Variants in TTC6 observed in about 807,000 individuals in gnomAD.
TTC6 encodes tetratricopeptide repeat domain 6.
A neutral mutation model predicts 210.4 loss-of-function variants in TTC6; 172 were observed. The observed-to-expected ratio is 0.82, with a 90% CI of 0.72 to 0.93. The LOEUF is 0.93. Ranked by LOEUF, TTC6 falls within the 40% of genes least tolerant of loss-of-function variation. The pLI is 0.00. For synonymous variants in TTC6, 804 were observed against 819.6 expected (o/e 0.98, Z 0.32); for missense variants, 2,414 against 2,318.1 (o/e 1.04, Z -0.85).
rs138010035 is a variant in TTC6, at chr14:37,787,663, A to G, written c.3436+26A>G. On this transcript the variant is annotated intron_variant, in intron 15 of 30. Transcript: ENST00000553443. ...GTACTTTGCCTTCAATTACATGTAT[A>G]TAGCAACCCAATCTGAGATTCAACA... 1.6e-4 allele frequency: 218 copies of G among 1,404,730 alleles called. 1 individual carries two copies. In the African/African-American group the frequency reaches 2.7e-3, roughly 18 times the overall value. The allele number at this position is 1,404,730 out of a possible 1,614,324, so 87.0% of individuals were successfully genotyped here.
chr14:37,737,550 T>C, intron 8 of TTC6, 110 bp from the exon 11 acceptor site: 1 of 524,602 alleles, frequency 1.9e-6, no homozygotes, highest in Admixed American at 3.9e-5. Flanking sequence ...TAATCAGTAT[T>C]TCTGAATTTC....
chr14:37,795,125 C>T (rs926366958), intron 17 of TTC6, 145 bp from the exon 20 acceptor site: 2 of 462,074 alleles, frequency 4.3e-6, no homozygotes, highest in Non-Finnish European at 7.6e-6. Context: ...CTCTGTATCC[C>T]ATTTGCTTTG....
chr14:37,679,807 C>T (rs2138539290), intron 1 of TTC6, among the ~76,000 whole-genome samples: 1 of 152,164 alleles, frequency 6.6e-6, no homozygotes, highest in African/African-American at 2.4e-5. Context: ...TCTCCTGCCT[C>T]AGCCTCCCAA....
intron 10 of TTC6, among the ~76,000 whole-genome samples, chr14:37,744,431 G>T (rs984656330): frequency 3.3e-5 from 5 of 152,216 alleles, no homozygotes; most frequent in South Asian, 2.1e-4. Context: ...ATATTTGAGC[G>T]TAGAACTGAA....
chr14:37,637,001 A>G (rs1202156106), intron 1 of TTC6, among the ~76,000 whole-genome samples: 1 of 152,196 alleles, frequency 6.6e-6, no homozygotes, highest in Non-Finnish European at 1.5e-5. Context: ...CCACACAGAT[A>G]TGCCCAATTG....
intron 2 of TTC6, among the ~76,000 whole-genome samples, chr14:37,681,547 T>A (rs2095783577): frequency 6.6e-6 from 1 of 152,194 alleles, no homozygotes; most frequent in African/African-American, 2.4e-5. Flanking sequence ...TTCTGGCCTC[T>A]GGCTTTTTAT....
At chr14:37,708,872 CTGT>C (rs1218113566) in intron 5 of TTC6, among the ~76,000 whole-genome samples, 1 of 152,016 alleles carries the variant, frequency 6.6e-6, no homozygotes, top group Non-Finnish European at 1.5e-5. Flanking sequence ...GGAGACTTCT[CTGT>C]TGTTAATTAC....
At position 37,840,938 on chromosome 14, in the gene TTC6, C is replaced by T. The variant is rs535229070; in HGVS notation, c.5299-507C>T. 2.0e-5 allele frequency among the ~76,000 whole-genome samples: 3 copies of T among 151,488 alleles called. No homozygotes were observed. In the South Asian group the frequency reaches 6.3e-4, roughly 32 times the overall value. On this transcript the variant is annotated intron_variant, in intron 29 of 30. Transcript: ENST00000553443. ...GGCTGGAGTGCATTGGTGTGACCTC[C>T]ACTCAGTGCAACTTCTGCCTCCCAG...
chr14:37,630,907 G>GTTTTTTTTTTTGTT (rs2095668331), intron 1 of TTC6, among the ~76,000 whole-genome samples: 5 of 33,070 alleles, frequency 1.5e-4, no homozygotes, highest in Non-Finnish European at 1.5e-4. Context: ...GGCAACCCCT[G>GTTTTTTTTTTTGTT]TTTTTTTTTT....
chr14:37,812,774 A>G (rs1184114040), intron 25 of TTC6, among the ~76,000 whole-genome samples: 2 of 152,188 alleles, frequency 1.3e-5, no homozygotes, highest in South Asian at 2.1e-4. Context: ...CTTTCTCAAA[A>G]TTTTCCTCTT....
intron 1 of TTC6, among the ~76,000 whole-genome samples, chr14:37,674,982 A>C (rs1425431110): frequency 2.6e-5 from 4 of 152,098 alleles, no homozygotes; most frequent in Non-Finnish European, 5.9e-5. Flanking sequence ...ATGTTAGTTA[A>C]AAATGTCTAA....
intron 3 of TTC6, among the ~76,000 whole-genome samples, chr14:37,686,282 C>A (rs1056683038): frequency 6.6e-6 from 1 of 152,156 alleles, no homozygotes; most frequent in Non-Finnish European, 1.5e-5. Context: ...ATATAAAGCA[C>A]TTAGAACAAT....
intron 5 of TTC6, among the ~76,000 whole-genome samples, chr14:37,710,688 G>A (rs990554129): frequency 1.3e-5 from 2 of 152,122 alleles, no homozygotes; most frequent in African/African-American, 4.8e-5. Flanking sequence ...AGGAAACATA[G>A]CACAGTGAGG....
chr14:37,684,024 C>T (rs758786287), intron 3 of TTC6, among the ~76,000 whole-genome samples: 76 of 152,056 alleles, frequency 5.0e-4, no homozygotes, highest in Non-Finnish European at 9.3e-4. Flanking sequence ...GTTCCCAATA[C>T]GCTTCACTGA....
chr14:37,709,287 C>A (rs1174514155), intron 5 of TTC6, among the ~76,000 whole-genome samples: 2 of 152,052 alleles, frequency 1.3e-5, no homozygotes, highest in Non-Finnish European at 2.9e-5. Flanking sequence ...CTAGCCTAAG[C>A]CTCTCATATT....
intron 1 of TTC6, among the ~76,000 whole-genome samples, chr14:37,656,740 G>A (rs1411714660): frequency 6.6e-6 from 1 of 152,060 alleles, no homozygotes; most frequent in Non-Finnish European, 1.5e-5. Flanking sequence ...AGAAAGGAGA[G>A]ACATCAAGGA....
intron 1 of TTC6, among the ~76,000 whole-genome samples, chr14:37,601,151 C>T (rs1486041799): frequency 1.3e-5 from 2 of 152,212 alleles, no homozygotes; most frequent in African/African-American, 4.8e-5. Context: ...AAGTCCAGAG[C>T]AGCCTCCTGG....
intron 29 of TTC6, among the ~76,000 whole-genome samples, chr14:37,832,331 T>TC (rs2139022445): frequency 2.7e-4 from 1 of 3,644 alleles, no homozygotes; most frequent in African/African-American, 4.4e-4. Flanking sequence ...CTTTCTCTCT[T>TC]TTTTTTTTTT....
chr14:37,647,351 G>C (rs565563711), intron 1 of TTC6, among the ~76,000 whole-genome samples: 30 of 152,352 alleles, frequency 2.0e-4, no homozygotes, highest in Non-Finnish European at 3.7e-4. Context: ...AAATAATCCA[G>C]GTGAGAGATG....
Sources: gnomAD v4.1 joint callset for allele counts (sites outside exome capture counted in the v4.1 genomes callset) on GRCh38, gnomAD v4.1.1 for gene constraint, MANE v1.5 for transcripts, NCBI Gene and HGNC (gene_info 2026-07-23, HGNC 2026-07-21) for gene names.